AFTPH: variants seen among roughly 807,000 people sequenced by gnomAD.
The protein encoded by AFTPH is aftiphilin protein.
In AFTPH, 7 loss-of-function variants were observed where a neutral mutation model predicts 72.5. The ratio of observed to expected loss-of-function variants is 0.10; its 90% CI spans 0.05 to 0.18. The LOEUF is 0.18. Among genes scored for constraint, AFTPH ranks in the 10% least tolerant of loss-of-function variants. The probability of loss-of-function intolerance (pLI) is 1.00; values close to 1 mark genes in which losing one functional copy is unlikely to be tolerated. For missense variants in AFTPH, 979 were observed against 1,060.5 expected, an observed-to-expected ratio of 0.92 and a Z score of 1.07; for synonymous variants, 337 against 370.1, an observed-to-expected ratio of 0.91 and a Z score of 1.03.
chr2:64,581,036 A>T (rs1292177582), intron 7 of AFTPH, 154 bp from the exon 8 acceptor site: 4 of 548,412 alleles, frequency 7.3e-6, no homozygotes, highest in Non-Finnish European at 1.3e-5. Context: ...AATACTGTAC[A>T]CATTGTTTTA....
intron 5 of AFTPH, among the ~76,000 whole-genome samples, chr2:64,572,438 C>G (rs950949725): frequency 6.6e-6 from 1 of 152,084 alleles, no homozygotes; most frequent in African/African-American, 2.4e-5. Context: ...TCACTTCTCA[C>G]CATGGGGTAA....
chr2:64,580,031 C>G (rs1200760308), intron 7 of AFTPH: 1 of 152,752 alleles, frequency 6.5e-6, no homozygotes, highest in Non-Finnish European at 1.5e-5. Context: ...CACCTATATG[C>G]AAATAGAAAA....
At chr2:64,545,162 G>T (rs889376784) in intron 1 of AFTPH, among the ~76,000 whole-genome samples, 3 of 151,900 alleles carry the variant, frequency 2.0e-5, no homozygotes. Flanking sequence ...CACAGATTAG[G>T]CTAGGAAAAA....
intron 1 of AFTPH, among the ~76,000 whole-genome samples, chr2:64,530,956 G>A (rs554458355): frequency 6.6e-6 from 1 of 151,226 alleles, no homozygotes; most frequent in Non-Finnish European, 1.5e-5. Flanking sequence ...CAGCTACTCG[G>A]GAGGCTGAGG....
intron 1 of AFTPH, among the ~76,000 whole-genome samples, chr2:64,547,042 C>CT (rs1670681644): frequency 6.6e-6 from 1 of 152,108 alleles, no homozygotes; most frequent in Admixed American, 6.5e-5. Flanking sequence ...GAGCTAGACT[C>CT]TGTCTCAAAA....
chr2:64,569,555 G>A (rs1294612476), intron 4 of AFTPH, 68 bp from the exon 5 acceptor site: 1 of 1,521,360 alleles, frequency 6.6e-7, no homozygotes, highest in Admixed American at 1.7e-5. Context: ...AAGCATATTT[G>A]GAAACTATTT....
chr2:64,551,914 T>C, exon 2 of AFTPH: 13 of 1,613,652 alleles, frequency 8.1e-6, no homozygotes, highest in Middle Eastern at 1.6e-4. Context: ...GTTGGAACAC[T>C]TGAAAGTTTC....
intron 1 of AFTPH, among the ~76,000 whole-genome samples, chr2:64,538,300 C>T (rs905161441): frequency 6.6e-6 from 1 of 151,854 alleles, no homozygotes; most frequent in Non-Finnish European, 1.5e-5. Flanking sequence ...AGCCTTTCTA[C>T]CTCTCAGGAA....
intron 2 of AFTPH, among the ~76,000 whole-genome samples, chr2:64,565,117 G>A (rs1671989553): frequency 6.6e-6 from 1 of 151,974 alleles, no homozygotes; most frequent in South Asian, 2.1e-4. Context: ...GGGATTACAG[G>A]CGTGAGACAC....
chr2:64,583,809 C>T (rs1368819095), intron 7 of AFTPH, among the ~76,000 whole-genome samples: 1 of 152,112 alleles, frequency 6.6e-6, no homozygotes, highest in East Asian at 1.9e-4. Flanking sequence ...TTTCTATAGC[C>T]TTCCTCCCTT....
intron 6 of AFTPH, among the ~76,000 whole-genome samples, chr2:64,575,568 G>A (rs560677087): frequency 1.3e-5 from 2 of 151,942 alleles, no homozygotes; most frequent in East Asian, 3.9e-4. Flanking sequence ...AGTGAGCCAT[G>A]TTCACACCAG....
chr2:64,583,316 T>TAAA (rs11395165), intron 7 of AFTPH, among the ~76,000 whole-genome samples: 47,334 of 141,482 alleles, frequency 0.33, 7,979 homozygotes, highest in South Asian at 0.39. Flanking sequence ...AAGGCTCTGT[T>TAAA]AAAAAAAAAA....
chr2:64,584,985 G>C (rs1159704038), intron 7 of AFTPH, among the ~76,000 whole-genome samples: 1 of 152,054 alleles, frequency 6.6e-6, no homozygotes, highest in Admixed American at 6.6e-5. Flanking sequence ...AGAAAATAGA[G>C]AAAAAATAAG....
intron 1 of AFTPH, 65 bp downstream of exon 1, chr2:64,524,677 C>G (rs1013823594): frequency 2.5e-6 from 1 of 393,876 alleles, no homozygotes; most frequent in Non-Finnish European, 4.5e-6. Context: ...CCAGGCCCGG[C>G]CCAGCAGCCA....
intron 2 of AFTPH, among the ~76,000 whole-genome samples, chr2:64,566,419 T>A (rs1319218765): frequency 2.7e-5 from 4 of 149,364 alleles, no homozygotes; most frequent in Non-Finnish European, 6.0e-5. Flanking sequence ...TGTTATGAAA[T>A]TTTTTTTTTT....
At chr2:64,553,334 G>T in exon 2 of AFTPH, 2 of 1,613,692 alleles carry the variant, frequency 1.2e-6, no homozygotes, top group East Asian at 4.5e-5. Flanking sequence ...CCCCCAAAAC[G>T]CACAGTGTAC....
intron 2 of AFTPH, among the ~76,000 whole-genome samples, chr2:64,559,785 G>T (rs1252063789): frequency 6.6e-6 from 1 of 152,070 alleles, no homozygotes; most frequent in East Asian, 1.9e-4. Context: ...GCTCACTGCA[G>T]CCTTCACCTC....
At chr2:64,568,276 A>G (rs887317924) in intron 3 of AFTPH, among the ~76,000 whole-genome samples, 26 of 147,184 alleles carry the variant, frequency 1.8e-4, no homozygotes, top group Admixed American at 4.0e-4. Flanking sequence ...CATTTTCATT[A>G]TTATAATCAC....
chr2:64,569,066 TG>T lies in AFTPH; in HGVS notation c.2088-25del, dbSNP rs557314408. The T allele has an allele frequency of 7.2e-4, 1,163 of 1,613,702 alleles. 1 individual carries two copies. Among genetic ancestry groups the T allele is most frequent in the Non-Finnish European group, 8.8e-4 (1,037 of 1,179,684 alleles). ...TGAAAGTTATTGAGTAACCTGTTGT[TG>T]ATGGCTTCATCATGGCCTTTGCAGG... On this transcript the variant is annotated intron_variant, in intron 3 of 8. Coordinates refer to ENST00000238856, the Ensembl canonical transcript of AFTPH.
Sources: allele counts gnomAD v4.1 joint callset (sites outside exome capture counted in the v4.1 genomes callset), GRCh38; gene constraint gnomAD v4.1.1; transcripts MANE v1.5; gene names NCBI Gene and HGNC (gene_info 2026-07-23, HGNC 2026-07-21).